KCNIP4: variants seen among roughly 807,000 people sequenced by gnomAD.
KCNIP4 encodes Kv channel-interacting protein 4.
In KCNIP4, 12 loss-of-function variants were observed where a neutral mutation model predicts 34.0. The observed-to-expected ratio is 0.35, with a 90% CI of 0.23 to 0.57. The LOEUF (loss-of-function observed/expected upper bound fraction) is 0.57. Among genes scored for constraint, KCNIP4 ranks in the 20% least tolerant of loss-of-function variants. KCNIP4 has a pLI of 0.83. For synonymous variants in KCNIP4, 124 were observed against 102.2 expected (o/e 1.21, Z -1.29); for missense variants, 238 against 311.7 (o/e 0.76, Z 1.78).
intron 3 of KCNIP4, among the ~76,000 whole-genome samples, chr4:20,775,232 G>C (rs1416294759): frequency 6.6e-6 from 1 of 152,090 alleles, no homozygotes; most frequent in Non-Finnish European, 1.5e-5. Context: ...CAACATATAT[G>C]GCGATTAAAA....
intron 1 of KCNIP4, among the ~76,000 whole-genome samples, chr4:21,775,979 C>G (rs1251804413): frequency 6.6e-6 from 1 of 152,208 alleles, no homozygotes; most frequent in Non-Finnish European, 1.5e-5. Context: ...TCACCCCTCA[C>G]TCCAGGAGTT....
intron 1 of KCNIP4, among the ~76,000 whole-genome samples, chr4:21,804,755 T>C (rs12507891): frequency 5.9e-5 from 9 of 152,216 alleles, no homozygotes; most frequent in Admixed American, 5.9e-4. Flanking sequence ...TATAGAATTT[T>C]GTGACTTAAT....
intron 2 of KCNIP4, among the ~76,000 whole-genome samples, chr4:20,863,076 A>C (rs2149497298): frequency 6.6e-6 from 1 of 152,258 alleles, no homozygotes; most frequent in Non-Finnish European, 1.5e-5. Context: ...AGACAGAGCC[A>C]ATTTATCAAG....
At chr4:21,847,579 C>T (rs1724099451) in intron 1 of KCNIP4, 1 of 152,080 alleles carries the variant, frequency 6.6e-6, no homozygotes, top group Admixed American at 6.5e-5. Flanking sequence ...CGCAGAAGTA[C>T]TTCATATGTG....
intron 1 of KCNIP4, among the ~76,000 whole-genome samples, chr4:21,429,820 T>A (rs1007699422): frequency 6.6e-6 from 1 of 152,220 alleles, no homozygotes; most frequent in African/African-American, 2.4e-5. Context: ...CTTTAATTAT[T>A]TGATGATTTA....
At chr4:21,074,435 A>G (rs1021116140) in intron 1 of KCNIP4, among the ~76,000 whole-genome samples, 8 of 152,078 alleles carry the variant, frequency 5.3e-5, no homozygotes, top group Non-Finnish European at 7.4e-5. Flanking sequence ...AGAGGTGTTT[A>G]TAGTATTCTC....
At chr4:20,799,704 C>T (rs1220996451) in intron 3 of KCNIP4, among the ~76,000 whole-genome samples, 1 of 152,146 alleles carries the variant, frequency 6.6e-6, no homozygotes, top group African/African-American at 2.4e-5. Flanking sequence ...TCTGTCATGT[C>T]CCACCATCCC....
chr4:21,324,739 T>C (rs1194418775), intron 1 of KCNIP4, among the ~76,000 whole-genome samples: 2 of 151,822 alleles, frequency 1.3e-5, no homozygotes, highest in Admixed American at 6.6e-5. Flanking sequence ...TTGGCTTTTC[T>C]GGGTCTTTTG....
intron 1 of KCNIP4, among the ~76,000 whole-genome samples, chr4:20,922,965 G>C (rs1729554582): frequency 6.6e-6 from 1 of 151,556 alleles, no homozygotes; most frequent in African/African-American, 2.4e-5. Flanking sequence ...GTGAGTACGT[G>C]TGTGTGTGTG....
chr4:21,643,622 C>T (rs779555141), intron 1 of KCNIP4, among the ~76,000 whole-genome samples: 1 of 152,020 alleles, frequency 6.6e-6, no homozygotes, highest in Admixed American at 6.6e-5. Context: ...TTGAGGAAAG[C>T]ATATTAACCT....
In KCNIP4 at chr4:21,424,289, T is replaced by C. The variant is rs115694173; in HGVS notation, c.61+524282A>G. Among the ~76,000 whole-genome samples the C allele has an allele frequency of 5.1e-3, 776 of 151,794 alleles. 5 individuals carry two copies. The highest frequency in any genetic ancestry group is 0.016 in the African/African-American group (678 of 41,398). ...TAAATTTCTTAAAAACAAATGAGGATTGGCTGGGCATGGTGGCTCATGCCT... is the reference window on the plus strand; with the variant it reads ...TAAATTTCTTAAAAACAAATGAGGACTGGCTGGGCATGGTGGCTCATGCCT... On this transcript the variant is annotated intron_variant, in intron 1 of 8. Coordinates refer to ENST00000382152, the MANE Select transcript of KCNIP4 (RefSeq NM_025221.6).
chr4:21,425,233 C>T (rs1012733449), intron 1 of KCNIP4, among the ~76,000 whole-genome samples: 24 of 152,090 alleles, frequency 1.6e-4, no homozygotes, highest in African/African-American at 5.8e-4. Flanking sequence ...TAAAATACTA[C>T]CTAACTTAAC....
intron 1 of KCNIP4, among the ~76,000 whole-genome samples, chr4:21,608,428 C>T (rs546447807): frequency 6.6e-6 from 1 of 152,164 alleles, no homozygotes. Flanking sequence ...AGCTAAGGAC[C>T]ATTCTTAGAT....
At chr4:21,492,530 T>A (rs574711274) in intron 1 of KCNIP4, among the ~76,000 whole-genome samples, 1 of 152,322 alleles carries the variant, frequency 6.6e-6, no homozygotes, top group East Asian at 1.9e-4. Context: ...AGCCCACATA[T>A]CATTATTGGT....
At chr4:21,714,278 C>T (rs1713976962) in intron 1 of KCNIP4, among the ~76,000 whole-genome samples, 1 of 152,170 alleles carries the variant, frequency 6.6e-6, no homozygotes, top group Admixed American at 6.6e-5. Flanking sequence ...CATTCCATCT[C>T]TCCCTTCCTT....
intron 1 of KCNIP4, among the ~76,000 whole-genome samples, chr4:21,228,756 C>G (rs149591555): frequency 3.3e-5 from 5 of 152,276 alleles, no homozygotes; most frequent in African/African-American, 1.2e-4. Context: ...CTCCTCCCTT[C>G]CATATAACAC....
intron 1 of KCNIP4, among the ~76,000 whole-genome samples, chr4:21,288,738 G>T (rs1214410496): frequency 6.6e-6 from 1 of 152,146 alleles, no homozygotes; most frequent in Non-Finnish European, 1.5e-5. Context: ...GGACATCTGT[G>T]ATACAAAGTT....
intron 1 of KCNIP4, among the ~76,000 whole-genome samples, chr4:21,403,487 A>T (rs529639402): frequency 6.6e-6 from 1 of 152,260 alleles, no homozygotes; most frequent in South Asian, 2.1e-4. Flanking sequence ...TACGTGCCAG[A>T]TCTTGTCAGT....
At chr4:21,033,785 G>A (rs1741207275) in intron 1 of KCNIP4, among the ~76,000 whole-genome samples, 2 of 152,122 alleles carry the variant, frequency 1.3e-5, no homozygotes, top group Admixed American at 1.3e-4. Flanking sequence ...GGGCCAATAT[G>A]TATTTTAATG....
Sources: gnomAD v4.1 joint callset for allele counts (sites outside exome capture counted in the v4.1 genomes callset) on GRCh38, gnomAD v4.1.1 for gene constraint, MANE v1.5 for transcripts, NCBI Gene and HGNC (gene_info 2026-07-23, HGNC 2026-07-21) for gene names.